Variants in KRT39 observed in about 807,000 individuals in gnomAD.
KRT39 encodes keratin, type I cytoskeletal 39.
Under a neutral mutation model 54.8 loss-of-function variants are expected in KRT39, and 47 were observed. The ratio of observed to expected loss-of-function variants is 0.86; its 90% CI spans 0.68 to 1.09. The LOEUF is 1.09. Among genes scored for constraint, KRT39 ranks in the 50% least tolerant of loss-of-function variants. The pLI, the probability that KRT39 is intolerant of heterozygous loss-of-function variation, is 0.00. For synonymous variants in KRT39, 207 were observed against 227.9 expected, an observed-to-expected ratio of 0.91 and a Z score of 0.83; for missense variants, 580 against 598.5, an observed-to-expected ratio of 0.97 and a Z score of 0.32.
In KRT39 at chr17:40,962,288, C is replaced by T; in HGVS notation, c.871-1G>A. 6.2e-7 allele frequency: 1 copy of T among 1,614,122 alleles called. No homozygotes were observed. Among genetic ancestry groups the T allele is most frequent in the Non-Finnish European group, 8.5e-7 (1 of 1,179,976 alleles). On this transcript the variant is annotated splice_acceptor_variant, in intron 4 of 6. Coordinates refer to ENST00000355612, the MANE Select transcript of KRT39 (RefSeq NM_213656.4). LOFTEE classifies it high-confidence loss of function. ...CCACTTGTTGATTCAGCTCCTCTAT[C>T]TGAAACACACAGCCAGAGACTGAGA... is the stretch of plus-strand genomic sequence containing the variant.
chr17:40,964,222 G>C, intron 2 of KRT39: 1 of 554,486 alleles, frequency 1.8e-6, no homozygotes, highest in East Asian at 2.8e-5. Flanking sequence ...CTGAACTATT[G>C]TGTAGGTAAT....
At chr17:40,961,961 A>G (rs1382845583) in intron 5 of KRT39, among the ~76,000 whole-genome samples, 2 of 152,234 alleles carry the variant, frequency 1.3e-5, no homozygotes, top group Non-Finnish European at 2.9e-5. Flanking sequence ...AATGGCTCAC[A>G]GGAAGGCACC....
In KRT39 at chr17:40,958,885, CT is replaced by C. The variant is rs775220877; in HGVS notation, c.1218-27del. ...CTAAGGAAAAAAAACACAATTTTAG[CT>C]GTGATTGAGGGAAGGCGATGATGGT... On this transcript the variant is annotated intron_variant, in intron 6 of 6. Transcript: ENST00000355612. The C allele has an allele frequency of 3.9e-6, 6 of 1,550,008 alleles. No individual in the cohort carries two copies. In the Admixed American group the frequency reaches 6.1e-5, roughly 16 times the overall value.
chr17:40,966,408 A>G lies in KRT39; in HGVS notation c.449T>C (p.Ile150Thr), dbSNP rs146629331. 1.1e-4 allele frequency: 184 copies of G among 1,612,422 alleles called. No homozygotes were observed. The highest frequency in any genetic ancestry group is 1.0e-3 in the African/African-American group (78 of 74,860). Residue 150 changes from isoleucine to threonine, a missense_variant, in exon 1 of 7, where the codon ATT (isoleucine) becomes ACT (threonine). Coordinates refer to ENST00000355612, the MANE Select transcript of KRT39 (RefSeq NM_213656.4). ...TCTTACCTTCTGCTGGAGCTCCTCA[A>G]TGGTAGTGTAGTAAGACAGGTAATC... ...CPDYLSYYTT[I>T]EELQQKILCT...
At chr17:40,958,964 A>C in intron 6 of KRT39, 105 bp from the exon 7 acceptor site, 5 of 987,088 alleles carry the variant, frequency 5.1e-6, no homozygotes, top group Non-Finnish European at 7.6e-6. Flanking sequence ...GCTCAAGACA[A>C]GTACATACTT....
Position 40,966,947 on chromosome 17 carries a change from T to C in KRT39, c.-91A>G, listed in dbSNP as rs1188861897. 1 of 921,602 alleles carries C rather than the reference T, an allele frequency of 1.1e-6. No homozygotes were observed. Among genetic ancestry groups the C allele is most frequent in the East Asian group, 2.4e-5 (1 of 41,422 alleles). 57.1% of individuals were successfully genotyped at this position (921,602 alleles called of 1,614,324 possible). On this transcript the variant is annotated 5_prime_UTR_variant, in exon 1 of 7. Transcript: ENST00000355612. Reference sequence around the variant, plus strand: ...CCACAGAGTCTGAATTCCAAGGCTCTTGGTGTTTTCCTCTTTGAAGTGCTT... The same window carrying C: ...CCACAGAGTCTGAATTCCAAGGCTCCTGGTGTTTTCCTCTTTGAAGTGCTT...
rs1409262235 is a variant in KRT39 at position 40,966,919 on chromosome 17, C to A, written c.-63G>T. Reference sequence around the variant, plus strand: ...TCACCAGGATGAAAAGCTCAAGCCACCTCCACAGAGTCTGAATTCCAAGGC... The same window carrying A: ...TCACCAGGATGAAAAGCTCAAGCCAACTCCACAGAGTCTGAATTCCAAGGC... On this transcript the variant is annotated 5_prime_UTR_variant, in exon 1 of 7. Coordinates refer to ENST00000355612, the MANE Select transcript of KRT39 (RefSeq NM_213656.4). The A allele has an allele frequency of 7.6e-6, 9 of 1,180,268 alleles. No individual in the cohort carries two copies. The Admixed American group carries it at 1.1e-4, about 14-fold the overall frequency. 73.1% of individuals were successfully genotyped at this position (1,180,268 alleles called of 1,614,324 possible).
chr17:40,964,978 C>T (rs1797205955), intron 1 of KRT39, among the ~76,000 whole-genome samples: 3 of 151,638 alleles, frequency 2.0e-5, no homozygotes, highest in Non-Finnish European at 1.5e-5. Context: ...GGGTAGATCA[C>T]GAGGTCAGGA....
At chr17:40,961,825 C>T (rs1200755999) in intron 5 of KRT39, among the ~76,000 whole-genome samples, 1 of 152,158 alleles carries the variant, frequency 6.6e-6, no homozygotes, top group East Asian at 1.9e-4. Context: ...CCAAAGTGTA[C>T]TTCATGAATC....
Position 40,966,744 on chromosome 17 carries a change from C to T in KRT39, c.113G>A (p.Gly38Asp). The stretch of plus-strand genomic sequence containing the variant: ...TGGTTGACAGTTGTTGACTGTAAGG[C>T]CACCAGGATGGCAGCCGTTGTTAGA... Reference protein sequence around the residue: ...ISSNNGCHPGGLTVNNCQPAG... With the variant: ...ISSNNGCHPGDLTVNNCQPAG... Residue 38 changes from glycine (G) to aspartate (D), a missense_variant, in exon 1 of 7, where the codon GGC (glycine) becomes GAC (aspartate). Coordinates refer to ENST00000355612, the MANE Select transcript of KRT39 (RefSeq NM_213656.4). 6.2e-7 allele frequency: 1 copy of T among 1,614,124 alleles called. No individual in the cohort carries two copies. Among genetic ancestry groups the T allele is most frequent in the Non-Finnish European group, 8.5e-7 (1 of 1,180,004 alleles).
chr17:40,966,367 A>G, intron 1 of KRT39, 22 bp downstream of exon 1: 1 of 1,525,680 alleles, frequency 6.6e-7, no homozygotes, highest in Non-Finnish European at 9.1e-7. Context: ...AACACGATTA[A>G]ACAGGTTCTT....
chr17:40,958,491 T>C lies in KRT39; in HGVS notation c.*110A>G. The C allele has an allele frequency of 7.8e-7, 1 of 1,283,016 alleles. No individual in the cohort carries two copies. The highest frequency in any genetic ancestry group is 1.5e-5 in the African/African-American group (1 of 66,048). 79.5% of individuals were successfully genotyped at this position (1,283,016 alleles called of 1,614,324 possible). ...TAGCAATGGGGACCCGCTGTAGTAG[T>C]AAGAAACTAAGTACCTTAAGGGACT... On this transcript the variant is annotated 3_prime_UTR_variant, in exon 7 of 7. Transcript: ENST00000355612.
chr17:40,960,150 G>T, intron 6 of KRT39, 131 bp downstream of exon 6: 2 of 711,934 alleles, frequency 2.8e-6, no homozygotes, highest in Non-Finnish European at 4.8e-6. Context: ...GTGTGTGGAT[G>T]CCTCTGTCCA....
Position 40,966,676 on chromosome 17 carries a change from G to T in KRT39, c.181C>A (p.Pro61Thr), listed in dbSNP as rs752162572. ...GGCTTGCGACAAAAGCGAGGAGTGGGTTGGCAGCCCTGGTCCCAGGGAATT... is the reference window on the plus strand; with the variant it reads ...GGCTTGCGACAAAAGCGAGGAGTGGTTTGGCAGCCCTGGTCCCAGGGAATT... ...LRIPWDQGCQ[P>T]TPRFCRKPIY... The change falls in exon 1 of 7, where the codon CCC becomes ACC. Residue 61 changes from proline (P) to threonine (T), a missense_variant. Transcript: ENST00000355612. 9.9e-6 allele frequency: 16 copies of T among 1,614,232 alleles called. No homozygotes were observed. In the South Asian group the frequency reaches 1.8e-4, roughly 18 times the overall value.
Position 40,966,451 on chromosome 17 carries a change from G to C in KRT39, c.406C>G (p.Leu136Val). ...SKIQEESNKE[L>V]PVLCPDYLSY... ...AGGTAATCAGGACATAGAACAGGGA[G>C]CTCTTTGTTACTTTCTTCCTGGATT... The change falls in exon 1 of 7, where the codon CTC (leucine) becomes GTC (valine). Residue 136 changes from leucine to valine, a missense_variant. Transcript: ENST00000355612. 6.2e-7 allele frequency: 1 copy of C among 1,614,146 alleles called. No homozygotes were observed. Among genetic ancestry groups the C allele is most frequent in the Non-Finnish European group, 8.5e-7 (1 of 1,179,998 alleles).
At chr17:40,958,927 T>C in intron 6 of KRT39, 68 bp from the exon 7 acceptor site, 1 of 1,474,036 alleles carries the variant, frequency 6.8e-7, no homozygotes, top group South Asian at 1.4e-5. Flanking sequence ...AGAAAAATGA[T>C]TGTGGCTAAT....
intron 1 of KRT39, among the ~76,000 whole-genome samples, chr17:40,966,067 A>ATG (rs71300040): frequency 0.22 from 32,372 of 147,258 alleles, 4,000 homozygotes; most frequent in East Asian, 0.49. Flanking sequence ...TTGTGTGTGT[A>ATG]TGTGTGTGTG....
At chr17:40,962,087 G>A in intron 5 of KRT39, 75 bp downstream of exon 5, 1 of 1,534,712 alleles carries the variant, frequency 6.5e-7, no homozygotes, top group Middle Eastern at 2.0e-4. Context: ...CACAGTTTGG[G>A]AAATACTGCA....
In KRT39 at chr17:40,962,528, T is replaced by C. The variant is rs1383809108; in HGVS notation, c.744A>G (p.Arg248=). 1 of 1,613,926 alleles carries C rather than the reference T, an allele frequency of 6.2e-7. No homozygotes were observed. The highest frequency in any genetic ancestry group is 8.5e-7 in the Non-Finnish European group (1 of 1,180,024). ...GGGCAGCAGTCACTTCAATGTCAAG[T>C]CTCTCCCCAAGCTGACACTGTAAAG... ...INSLQCQLGE[R]LDIEVTAAPS... Residue 248 remains arginine (R), a synonymous_variant, in exon 4 of 7, where the codon AGA becomes AGG. Transcript: ENST00000355612.
Sources: allele counts gnomAD v4.1 joint callset (sites outside exome capture counted in the v4.1 genomes callset), GRCh38; gene constraint gnomAD v4.1.1; transcripts MANE v1.5; gene names NCBI Gene and HGNC (gene_info 2026-07-23, HGNC 2026-07-21).